Variants in ASTN2 observed in about 807,000 individuals in gnomAD.
ASTN2 encodes astrotactin 2.
ASTN2 carries 54 observed loss-of-function variants against 139.8 expected under a neutral mutation model. That is an observed-to-expected ratio of 0.39 (90% confidence interval 0.31 to 0.48). The LOEUF (loss-of-function observed/expected upper bound fraction) is 0.48. ASTN2 is among the 20% of genes least tolerant of loss of function. The pLI is 0.95. For synonymous variants in ASTN2, 756 were observed against 719.5 expected (o/e 1.05, Z -0.81); for missense variants, 1,565 against 1,725.1 (o/e 0.91, Z 1.64).
intron 7 of ASTN2, among the ~76,000 whole-genome samples, chr9:116,996,015 G>GA (rs1479286216): frequency 2.6e-5 from 4 of 151,822 alleles, no homozygotes; most frequent in Non-Finnish European, 5.9e-5. Flanking sequence ...AATTTTCTCA[G>GA]ATTTTTTTAG....
intron 7 of ASTN2, among the ~76,000 whole-genome samples, chr9:117,000,025 C>T (rs1471272391): frequency 1.3e-5 from 2 of 152,144 alleles, no homozygotes; most frequent in Admixed American, 6.6e-5. Context: ...TAATGTTATG[C>T]ACATTGTTGG....
chr9:116,693,313 G>A (rs557007903), intron 16 of ASTN2, among the ~76,000 whole-genome samples: 1 of 152,308 alleles, frequency 6.6e-6, no homozygotes, highest in East Asian at 1.9e-4. Context: ...GCTAAGATAT[G>A]ATCTCAGTCC....
At chr9:116,551,491 C>T (rs1284019323) in intron 19 of ASTN2, among the ~76,000 whole-genome samples, 1 of 152,182 alleles carries the variant, frequency 6.6e-6, no homozygotes, top group Non-Finnish European at 1.5e-5. Context: ...ATAAAACCAG[C>T]TCCTGCCCTT....
chr9:116,735,109 C>G (rs187948679), intron 13 of ASTN2, among the ~76,000 whole-genome samples: 112 of 152,268 alleles, frequency 7.4e-4, no homozygotes, highest in Non-Finnish European at 1.4e-3. Context: ...AGCTGGGATA[C>G]GAACCCAGGT....
At chr9:117,016,592 TTATATA>T (rs1564385528) in intron 6 of ASTN2, among the ~76,000 whole-genome samples, 535 of 29,550 alleles carry the variant, frequency 0.018, 35 homozygotes, top group African/African-American at 0.043. Flanking sequence ...ATTCTAGGTT[TTATATA>T]TATATCTATA....
chr9:116,726,127 T>A (rs546799793), intron 15 of ASTN2, among the ~76,000 whole-genome samples, 177 bp from the exon 16 acceptor site: 32 of 152,138 alleles, frequency 2.1e-4, no homozygotes, highest in African/African-American at 6.5e-4. Context: ...TAAATAGCAA[T>A]GAATGCCCTC....
intron 16 of ASTN2, among the ~76,000 whole-genome samples, chr9:116,684,601 T>A (rs2132030996): frequency 6.6e-6 from 1 of 152,114 alleles, no homozygotes; most frequent in Middle Eastern, 3.4e-3. Flanking sequence ...AGTACTAATG[T>A]TTTTGCCATG....
At chr9:116,907,834 C>T (rs1021012405) in intron 10 of ASTN2, among the ~76,000 whole-genome samples, 4 of 152,058 alleles carry the variant, frequency 2.6e-5, no homozygotes, top group African/African-American at 7.2e-5. Context: ...GACGTGGGTC[C>T]GAAGCCTCCT....
At chr9:116,999,779 C>T (rs1269815759) in intron 7 of ASTN2, among the ~76,000 whole-genome samples, 4 of 151,858 alleles carry the variant, frequency 2.6e-5, no homozygotes, top group Admixed American at 2.0e-4. Context: ...AGGCTGGTCT[C>T]GAACTCCTGG....
At chr9:116,565,387 CCATATATATATATATATATATA>C (rs1366642336) in intron 19 of ASTN2, among the ~76,000 whole-genome samples, 5 of 42,094 alleles carry the variant, frequency 1.2e-4, no homozygotes, top group Non-Finnish European at 1.2e-4. Flanking sequence ...CTCTCTCTCT[CCATATATATATATATATATATA>C]TATATATATA....
intron 1 of ASTN2, among the ~76,000 whole-genome samples, chr9:117,374,818 G>A (rs1830079360): frequency 6.6e-6 from 1 of 152,182 alleles, no homozygotes; most frequent in African/African-American, 2.4e-5. Context: ...AAGAGGAGCT[G>A]TAGGCATTGC....
intron 19 of ASTN2, among the ~76,000 whole-genome samples, chr9:116,565,016 G>A (rs1016640240): frequency 7.9e-5 from 12 of 151,858 alleles, no homozygotes; most frequent in African/African-American, 2.4e-4. Flanking sequence ...AGAACCAAAC[G>A]CCTCATTCAA....
chr9:117,012,871 AT>A (rs1444245747), intron 6 of ASTN2, among the ~76,000 whole-genome samples: 2 of 152,200 alleles, frequency 1.3e-5, no homozygotes, highest in East Asian at 3.9e-4. Flanking sequence ...CTAGAGTGTC[AT>A]TCATTCACTC....
At chr9:117,287,232 T>C (rs777933849) in intron 2 of ASTN2, among the ~76,000 whole-genome samples, 41 of 152,284 alleles carry the variant, frequency 2.7e-4, no homozygotes, top group Non-Finnish European at 5.1e-4. Context: ...GGAATATTAT[T>C]CCAGTTTTAC....
intron 19 of ASTN2, among the ~76,000 whole-genome samples, chr9:116,615,340 A>G (rs1353740528): frequency 6.6e-6 from 1 of 152,214 alleles, no homozygotes; most frequent in African/African-American, 2.4e-5. Flanking sequence ...ATCTAGAACT[A>G]GAAATACCAT....
chr9:117,062,366 C>G (rs1034119535), intron 5 of ASTN2, among the ~76,000 whole-genome samples: 10 of 152,158 alleles, frequency 6.6e-5, no homozygotes, highest in South Asian at 2.1e-4. Context: ...CCCCCAATAG[C>G]CCCTTAACCT....
At chr9:117,087,438 G>T (rs1828595884) in intron 5 of ASTN2, among the ~76,000 whole-genome samples, 1 of 152,070 alleles carries the variant, frequency 6.6e-6, no homozygotes, top group Admixed American at 6.5e-5. Context: ...ATGTTGCCCA[G>T]GCTGGTCCGG....
chr9:116,846,858 T>C (rs961000024), intron 11 of ASTN2, among the ~76,000 whole-genome samples: 1 of 152,040 alleles, frequency 6.6e-6, no homozygotes, highest in Non-Finnish European at 1.5e-5. Flanking sequence ...GGAACATGCT[T>C]GAAGCTTTCC....
intron 20 of ASTN2, among the ~76,000 whole-genome samples, chr9:116,448,277 A>T (rs1053331991): frequency 1.3e-5 from 1 of 74,436 alleles, no homozygotes; most frequent in Non-Finnish European, 2.8e-5. Context: ...CACCCCTCCC[A>T]CCCCCACTGC....
Sources: gnomAD v4.1 joint callset for allele counts (sites outside exome capture counted in the v4.1 genomes callset) on GRCh38, gnomAD v4.1.1 for gene constraint, MANE v1.5 for transcripts, NCBI Gene and HGNC (gene_info 2026-07-23, HGNC 2026-07-21) for gene names.